HECW1: variants seen among roughly 807,000 people sequenced by gnomAD.
The protein encoded by HECW1 is HECT, C2 and WW domain containing E3 ubiquitin protein ligase 1, also known as E3 ubiquitin-protein ligase HECW1.
HECW1 carries 61 observed loss-of-function variants against 182.3 expected under a neutral mutation model. That is an observed-to-expected ratio of 0.33 (90% CI 0.27 to 0.41). The LOEUF is 0.41. Among genes scored for constraint, HECW1 ranks in the 10% least tolerant of loss-of-function variants. The pLI is 1.00. For missense variants in HECW1, 1,739 were observed against 2,108.9 expected (o/e 0.82, Z 3.44); for synonymous variants, 859 against 832.6 (o/e 1.03, Z -0.55).
At chr7:43,329,689 A>G (rs1277116443) in intron 5 of HECW1, among the ~76,000 whole-genome samples, 2 of 152,178 alleles carry the variant, frequency 1.3e-5, no homozygotes, top group African/African-American at 4.8e-5. Context: ...TGGGCTGGAA[A>G]GATGCAGCAC....
chr7:43,153,984 TCTTTG>T (rs1189758979), intron 2 of HECW1, among the ~76,000 whole-genome samples: 2 of 152,220 alleles, frequency 1.3e-5, no homozygotes, highest in African/African-American at 4.8e-5. Flanking sequence ...AAGCAATTTC[TCTTTG>T]GAGATGTAGC....
At chr7:43,483,521 T>C (rs10256411) in intron 17 of HECW1, among the ~76,000 whole-genome samples, 1 of 150,336 alleles carries the variant, frequency 6.7e-6, no homozygotes, top group Non-Finnish European at 1.5e-5. Context: ...ACAGCTCAGG[T>C]TTCCTAACAG....
intron 24 of HECW1, among the ~76,000 whole-genome samples, chr7:43,540,845 G>A (rs1257361097): frequency 6.6e-6 from 1 of 152,154 alleles, no homozygotes; most frequent in African/African-American, 2.4e-5. Context: ...TTTTATCTAA[G>A]ATTTCTGAAT....
intron 11 of HECW1, among the ~76,000 whole-genome samples, chr7:43,449,886 G>C (rs2077176625): frequency 6.6e-6 from 1 of 152,212 alleles, no homozygotes; most frequent in African/African-American, 2.4e-5. Flanking sequence ...GGTGCTGCAG[G>C]CCTGCCTTCT....
At chr7:43,557,999 G>A (rs1030980245) in intron 29 of HECW1, among the ~76,000 whole-genome samples, 4 of 152,196 alleles carry the variant, frequency 2.6e-5, no homozygotes, top group African/African-American at 4.8e-5. Context: ...AAGTCATGAC[G>A]TGGAATTGAC....
intron 9 of HECW1, 56 bp from the exon 10 acceptor site, chr7:43,442,473 G>A (rs181369390): frequency 1.6e-6 from 2 of 1,272,932 alleles, no homozygotes; most frequent in Middle Eastern, 1.9e-4. Flanking sequence ...CACACTGCAT[G>A]GTCATTAGGA....
chr7:43,363,664 A>G (rs1306835564), intron 6 of HECW1, among the ~76,000 whole-genome samples: 1 of 152,170 alleles, frequency 6.6e-6, no homozygotes, highest in Non-Finnish European at 1.5e-5. Context: ...CAGTACACAC[A>G]ATCCCACAGG....
At chr7:43,263,414 G>A (rs951202563) in intron 3 of HECW1, among the ~76,000 whole-genome samples, 1 of 152,198 alleles carries the variant, frequency 6.6e-6, no homozygotes, top group African/African-American at 2.4e-5. Flanking sequence ...AGGCTGGAGT[G>A]CAATGGTGCC....
intron 24 of HECW1, among the ~76,000 whole-genome samples, chr7:43,538,216 TGA>T (rs1022866681): frequency 1.3e-5 from 2 of 151,974 alleles, no homozygotes; most frequent in African/African-American, 4.8e-5. Context: ...GTGTTGGCAG[TGA>T]GAGAGGAGAA....
intron 2 of HECW1, among the ~76,000 whole-genome samples, chr7:43,221,453 C>T (rs983477633): frequency 6.8e-6 from 1 of 148,004 alleles, no homozygotes; most frequent in South Asian, 2.2e-4. Context: ...TTTAAATCTC[C>T]TTATCTCTTA....
At chr7:43,484,856 CCTTAT>C (rs1316395251) in intron 17 of HECW1, among the ~76,000 whole-genome samples, 1 of 152,188 alleles carries the variant, frequency 6.6e-6, no homozygotes, top group African/African-American at 2.4e-5. Flanking sequence ...GCAAAGCAGG[CCTTAT>C]CTCTCCTCAG....
intron 8 of HECW1, among the ~76,000 whole-genome samples, chr7:43,430,669 A>G (rs1031401404): frequency 6.6e-6 from 1 of 152,160 alleles, no homozygotes; most frequent in African/African-American, 2.4e-5. Flanking sequence ...TTTTATGTTT[A>G]TAATTAGAAA....
intron 8 of HECW1, among the ~76,000 whole-genome samples, chr7:43,409,144 C>T (rs1420368899): frequency 2.6e-5 from 4 of 152,194 alleles, no homozygotes; most frequent in East Asian, 1.9e-4. Context: ...GCTTAATTAG[C>T]GCTCTCCCAG....
chr7:43,501,015 G>A (rs1440960700), intron 20 of HECW1, among the ~76,000 whole-genome samples, 198 bp from the exon 21 acceptor site: 1 of 152,118 alleles, frequency 6.6e-6, no homozygotes, highest in Non-Finnish European at 1.5e-5. Flanking sequence ...TTTGTTGTAG[G>A]ATTAATCAAG....
chr7:43,316,113 G>T (rs1809209830), intron 4 of HECW1, among the ~76,000 whole-genome samples: 1 of 151,986 alleles, frequency 6.6e-6, no homozygotes, highest in African/African-American at 2.4e-5. Context: ...TGTTTCTTAG[G>T]TATGTCTGTT....
intron 3 of HECW1, among the ~76,000 whole-genome samples, chr7:43,293,384 G>A (rs1475712996): frequency 2.0e-5 from 3 of 152,172 alleles, no homozygotes; most frequent in Admixed American, 6.5e-5. Context: ...CTCACCTCCT[G>A]TAACTGAAGT....
chr7:43,564,751 T>C lies in HECW1; in HGVS notation c.*2825T>C, dbSNP rs1439907183. ...ATTTATAAGGCTGATTTTTAAATTA[T>C]ATATAATTTTTCATTCAATATGTAT... On this transcript the variant is annotated 3_prime_UTR_variant, in exon 30 of 30. Coordinates refer to ENST00000395891, the MANE Select transcript of HECW1 (RefSeq NM_015052.5). The C allele has an allele frequency of 5.6e-6, 1 of 179,662 alleles. No individual in the cohort carries two copies. The highest frequency in any genetic ancestry group is 2.4e-5 in the African/African-American group (1 of 42,370). 11.1% of individuals were successfully genotyped at this position (179,662 alleles called of 1,614,324 possible).
intron 5 of HECW1, among the ~76,000 whole-genome samples, chr7:43,338,499 GT>G (rs1439284864): frequency 6.6e-6 from 1 of 151,640 alleles, no homozygotes; most frequent in East Asian, 1.9e-4. Flanking sequence ...GATTTAATTT[GT>G]TGTTCTTTTG....
chr7:43,351,678 C>CTTTTTTTTTTTTTTTTTTTT (rs200929407), intron 5 of HECW1, among the ~76,000 whole-genome samples: 2 of 120,570 alleles, frequency 1.7e-5, no homozygotes, highest in African/African-American at 3.1e-5. Flanking sequence ...TTTCTTTCTT[C>CTTTTTTTTTTTTTTTTTTTT]TTTTTTTTTT....
Sources: gnomAD v4.1 joint callset for allele counts (sites outside exome capture counted in the v4.1 genomes callset) on GRCh38, gnomAD v4.1.1 for gene constraint, MANE v1.5 for transcripts, NCBI Gene and HGNC (gene_info 2026-07-23, HGNC 2026-07-21) for gene names.